JMJD6: variants seen among roughly 807,000 people sequenced by gnomAD.
JMJD6 encodes the protein bifunctional arginine demethylase and lysyl-hydroxylase JMJD6.
A neutral mutation model predicts 45.8 loss-of-function variants in JMJD6; 17 were observed. The observed-to-expected ratio is 0.37, with a 90% CI of 0.25 to 0.56. The LOEUF is 0.56. Among genes scored for constraint, JMJD6 ranks in the 20% least tolerant of loss-of-function variants. JMJD6 has a pLI of 0.79. For missense variants in JMJD6, 470 were observed against 517.5 expected (o/e 0.91, Z 0.89); for synonymous variants, 221 against 196.3 (o/e 1.13, Z -1.05).
At chr17:76,716,514 T>C (rs966742484), downstream of JMJD6, 38 of 620,500 alleles carry the variant, frequency 6.1e-5, no homozygotes, top group African/African-American at 6.5e-4. Context: ...AATCTATCCT[T>C]AGGAAGCAGT....
At position 76,726,479 on chromosome 17, in the gene JMJD6, G is replaced by C. The variant is rs760427626; in HGVS notation, c.-4C>G. On this transcript the variant is annotated 5_prime_UTR_variant, in exon 1 of 6. Coordinates refer to ENST00000397625, the MANE Select transcript of JMJD6 (RefSeq NM_015167.3). ...GCTTCTTGCTCTTGTGGTTCATTCT[G>C]CGGGGTCGCCAGCTGGTTCCGCTAC... The C allele has an allele frequency of 6.3e-7, 1 of 1,590,712 alleles. No homozygotes were observed. Among genetic ancestry groups the C allele is most frequent in the Admixed American group, 1.7e-5 (1 of 57,336 alleles).
chr17:76,723,335 A>G (rs142035984), intron 3 of JMJD6, among the ~76,000 whole-genome samples: 1 of 152,304 alleles, frequency 6.6e-6, no homozygotes, highest in Non-Finnish European at 1.5e-5. Context: ...TTACTGTCAG[A>G]GGTGAGTACC....
downstream of JMJD6, chr17:76,718,372 T>C: frequency 2.8e-6 from 3 of 1,070,404 alleles, no homozygotes; most frequent in South Asian, 1.1e-4. Flanking sequence ...CAGGAGTCAC[T>C]GCTTTCCCCC....
rs749462735 is a variant in JMJD6 at position 76,718,594 on chromosome 17, T to G, written c.*135A>C. 1.4e-6 allele frequency: 2 copies of G among 1,455,088 alleles called. No individual in the cohort carries two copies. Among genetic ancestry groups the G allele is most frequent in the South Asian group, 1.5e-5 (1 of 68,606 alleles). 90.1% of individuals were successfully genotyped at this position (1,455,088 alleles called of 1,614,324 possible). A position where few individuals can be genotyped will look rare whatever the true frequency, so the allele number is the denominator to read the frequency against. On this transcript the variant is annotated 3_prime_UTR_variant, in exon 6 of 6. Coordinates refer to ENST00000397625, the MANE Select transcript of JMJD6 (RefSeq NM_015167.3). The stretch of plus-strand genomic sequence containing the variant: ...CTGGAGCAAACGCTAAGTGAATGGG[T>G]TCCCGTGCCGAGGGTGTCCTCATTC...
chr17:76,726,223 G>T, intron 1 of JMJD6, 124 bp downstream of exon 1: 1 of 1,295,470 alleles, frequency 7.7e-7, no homozygotes, highest in Non-Finnish European at 1.0e-6. Context: ...ACTCCGCGGG[G>T]TGCGGGTGAG....
chr17:76,725,425 A>AAG (rs777681892), intron 2 of JMJD6, 42 bp downstream of exon 2: 5 of 1,511,870 alleles, frequency 3.3e-6, no homozygotes, highest in African/African-American at 2.8e-5. Context: ...AAAAAAAAAA[A>AAG]AAAGAAAAGG....
chr17:76,722,818 C>T (rs1180348976), intron 3 of JMJD6, among the ~76,000 whole-genome samples: 1 of 125,660 alleles, frequency 8.0e-6, no homozygotes, highest in Non-Finnish European at 1.6e-5. Context: ...TGTGCTCCAG[C>T]CTGGGTGACA....
At chr17:76,721,133 G>C (rs1305962519) in intron 4 of JMJD6, 2 of 216,138 alleles carry the variant, frequency 9.3e-6, no homozygotes, top group East Asian at 9.9e-5. Flanking sequence ...ATCACAGCAC[G>C]CAGTGGCCTA....
At chr17:76,714,202 T>A (rs1338299825), downstream of JMJD6, 1 of 152,154 alleles carries the variant, frequency 6.6e-6, no homozygotes, top group Non-Finnish European at 1.5e-5. Context: ...TGAAGCCTCA[T>A]CCCCAAAGAC....
In JMJD6 at chr17:76,721,828, C is replaced by T. The variant is rs2076828704; in HGVS notation, c.911G>A (p.Gly304Glu). 2 of 1,614,124 alleles carry T rather than the reference C, an allele frequency of 1.2e-6. No individual in the cohort carries two copies. Among genetic ancestry groups the T allele is most frequent in the Non-Finnish European group, 1.7e-6 (2 of 1,180,024 alleles). Residue 304 changes from glycine to glutamate, a missense_variant, in exon 4 of 6, where the codon GGG becomes GAG. Physicochemically the swap from Gly to Glu is moderately conservative, Grantham distance 98. Coordinates refer to ENST00000397625, the MANE Select transcript of JMJD6 (RefSeq NM_015167.3). Reference sequence around the variant, plus strand: ...CCATTTCCTTGATAACTTTGGTCTCCCTCTTACCGTCTTGTGCCATACCAC... The same window carrying T: ...CCATTTCCTTGATAACTTTGGTCTCTCTCTTACCGTCTTGTGCCATACCAC... ...FPVVWHKTVR[G>E]RPKLSRKWYR...
intron 3 of JMJD6, among the ~76,000 whole-genome samples, chr17:76,723,359 G>A (rs2076852830): frequency 6.6e-6 from 1 of 152,080 alleles, no homozygotes. Context: ...TCATTTACCA[G>A]GCAGCATCCA....
rs1413883367 is a variant in JMJD6 at position 76,720,352 on chromosome 17, G to A, written c.1080+8C>T. ...GCTCCAGGAGTCAGCCAGAGAGCAAGGCCTCACCTCTGAGTCGGAGTCTGA... is the reference window on the plus strand; with the variant it reads ...GCTCCAGGAGTCAGCCAGAGAGCAAAGCCTCACCTCTGAGTCGGAGTCTGA... On this transcript the variant is annotated splice_region_variant and intron_variant, in intron 5 of 5. Transcript: ENST00000397625. 5 of 1,613,902 alleles carry A rather than the reference G, an allele frequency of 3.1e-6. No individual in the cohort carries two copies. The Admixed American group carries it at 8.3e-5, about 27-fold the overall frequency.
chr17:76,722,054 A>C (rs114737418), intron 3 of JMJD6, 121 bp from the exon 4 acceptor site: 1 of 1,049,890 alleles, frequency 9.5e-7, no homozygotes, highest in Admixed American at 2.8e-5. Flanking sequence ...GACATGATAC[A>C]GGGTAGTTCC....
chr17:76,714,128 A>G (rs1170123645), downstream of JMJD6: 2 of 152,220 alleles, frequency 1.3e-5, no homozygotes, highest in Non-Finnish European at 2.9e-5. Context: ...ATGTCACCCT[A>G]AACATCCCAG....
rs1426002305 is a variant in JMJD6, at chr17:76,722,532, G to C, written c.806-599C>G. 3.0e-4 allele frequency among the ~76,000 whole-genome samples: 45 copies of C among 152,056 alleles called. 1 individual carries two copies. Among genetic ancestry groups the C allele is most frequent in the Admixed American group, 2.9e-3 (44 of 15,256 alleles). ...AGGAGGCCAGCCTGGGTAACAGTGA[G>C]ACCTCCAATTCAATTTACAGAATTA... On this transcript the variant is annotated intron_variant, in intron 3 of 5. Transcript: ENST00000397625.
intron 5 of JMJD6, among the ~76,000 whole-genome samples, chr17:76,719,776 G>A (rs2076800037): frequency 6.6e-6 from 1 of 151,956 alleles, no homozygotes; most frequent in East Asian, 1.9e-4. Context: ...GCTTCATCTT[G>A]AGCCATTTAC....
rs756116443 is a variant in JMJD6, at chr17:76,718,590, T to C, written c.*139A>G. The C allele has an allele frequency of 3.5e-6, 5 of 1,446,790 alleles. No individual in the cohort carries two copies. The highest frequency in any genetic ancestry group is 4.5e-6 in the Non-Finnish European group (5 of 1,104,628). 89.6% of individuals were successfully genotyped at this position (1,446,790 alleles called of 1,614,324 possible). On this transcript the variant is annotated 3_prime_UTR_variant, in exon 6 of 6. Transcript: ENST00000397625. ...GCTACTGGAGCAAACGCTAAGTGAA[T>C]GGGTTCCCGTGCCGAGGGTGTCCTC...
chr17:76,723,444 C>CT (rs60972573), intron 3 of JMJD6, among the ~76,000 whole-genome samples: 2 of 137,936 alleles, frequency 1.4e-5, no homozygotes, highest in African/African-American at 5.4e-5. Flanking sequence ...AATGTACTTT[C>CT]TTTTTTTTTT....
At chr17:76,713,038 C>T (rs1487342300) in exon 7 of JMJD6, 1 of 152,228 alleles carries the variant, frequency 6.6e-6, no homozygotes, top group Non-Finnish European at 1.5e-5. Context: ...CTGTAGCATC[C>T]AGTCACTTTG....
Sources: gnomAD v4.1 joint callset for allele counts (sites outside exome capture counted in the v4.1 genomes callset) on GRCh38, gnomAD v4.1.1 for gene constraint, MANE v1.5 for transcripts, NCBI Gene and HGNC (gene_info 2026-07-23, HGNC 2026-07-21) for gene names.